MAP3K19: variants seen among roughly 807,000 people sequenced by gnomAD.
MAP3K19 encodes the protein mitogen-activated protein kinase kinase kinase 19, also known as SPS1/STE20-related protein kinase YSK4.
Under a neutral mutation model 114.4 loss-of-function variants are expected in MAP3K19, and 91 were observed. That is an observed-to-expected ratio of 0.80 (90% confidence interval 0.67 to 0.95). MAP3K19 has a LOEUF of 0.95. Ranked by LOEUF, MAP3K19 falls within the 40% of genes least tolerant of loss-of-function variation. The pLI is 0.00. For missense variants in MAP3K19, 1,471 were observed against 1,573.2 expected, an observed-to-expected ratio of 0.94 and a Z score of 1.10; for synonymous variants, 518 against 530.5, an observed-to-expected ratio of 0.98 and a Z score of 0.32.
At chr2:135,038,627 G>T (rs1688581766) in intron 2 of MAP3K19, among the ~76,000 whole-genome samples, 1 of 152,008 alleles carries the variant, frequency 6.6e-6, no homozygotes, top group Admixed American at 6.6e-5. Context: ...GCCAAGGTGG[G>T]TGGATTGCCT....
chr2:135,036,995 CATT>C (rs1215257693), intron 2 of MAP3K19, among the ~76,000 whole-genome samples: 5 of 131,564 alleles, frequency 3.8e-5, no homozygotes, highest in African/African-American at 1.9e-4. Context: ...ACCAGTAAAA[CATT>C]CTTTTTTTTT....
At chr2:134,983,969 C>G in intron 10 of MAP3K19, 144 bp from the exon 11 acceptor site, 1 of 555,536 alleles carries the variant, frequency 1.8e-6, no homozygotes, top group Non-Finnish European at 3.1e-6. Flanking sequence ...ATCATTCCCC[C>G]AAATGACCAC....
intron 6 of MAP3K19, among the ~76,000 whole-genome samples, chr2:135,004,420 G>A (rs932661937): frequency 5.3e-5 from 8 of 152,168 alleles, no homozygotes; most frequent in African/African-American, 1.9e-4. Flanking sequence ...AAGGCAGGCG[G>A]CTGCCCAGGA....
chr2:135,016,391 C>T (rs895870928), intron 5 of MAP3K19, among the ~76,000 whole-genome samples: 1 of 152,182 alleles, frequency 6.6e-6, no homozygotes, highest in Non-Finnish European at 1.5e-5. Flanking sequence ...AGCAATATCA[C>T]ACTGCCTTAA....
intron 5 of MAP3K19, among the ~76,000 whole-genome samples, chr2:135,016,040 CAGG>C (rs1487130733): frequency 6.6e-6 from 1 of 151,978 alleles, no homozygotes; most frequent in Non-Finnish European, 1.5e-5. Flanking sequence ...TGTTTGAAGC[CAGG>C]AGTTCAAGAA....
chr2:134,976,713 T>C (rs1684255536), intron 12 of MAP3K19, among the ~76,000 whole-genome samples: 1 of 151,218 alleles, frequency 6.6e-6, no homozygotes, highest in East Asian at 1.9e-4. Context: ...AAGTATTTTG[T>C]ATAAAAGTAT....
Position 135,024,621 on chromosome 2 carries a change from T to A in MAP3K19, c.22+5A>T, listed in dbSNP as rs984613655. The A allele has an allele frequency of 1.9e-6, 3 of 1,613,470 alleles. No individual in the cohort carries two copies. Among genetic ancestry groups the A allele is most frequent in the Non-Finnish European group, 2.5e-6 (3 of 1,179,456 alleles). ...AAATTATGCATGTGGAGTGAAAGTA[T>A]TTACCTGGTTTTGGCATAGAACTCA... On this transcript the variant is annotated splice_donor_5th_base_variant and intron_variant, in intron 4 of 12. Transcript: ENST00000392915.
rs1393893181 is a variant in MAP3K19 at position 134,985,856 on chromosome 2, A to G, written c.3016T>C (p.Trp1006Arg). 19 of 1,613,532 alleles carry G rather than the reference A, an allele frequency of 1.2e-5. No individual in the cohort carries two copies. In the African/African-American group the frequency reaches 1.6e-4, roughly 14 times the overall value. Residue 1006 changes from tryptophan (W) to arginine (R), a missense_variant, in exon 10 of 13, where the codon TGG becomes CGG. Coordinates refer to ENST00000392915, the MANE Select transcript of MAP3K19 (RefSeq NM_025052.5). The stretch of plus-strand genomic sequence containing the variant: ...ATTTCTTTTGGGGTACTTCCTCTCC[A>G]TCTGAGGACAAGATTTAGGTTTTCA... Reference protein sequence around the residue: ...DPENLNLVLRWRGSTPKEMGR... With the variant: ...DPENLNLVLRRRGSTPKEMGR...
chr2:134,986,090 C>T lies in MAP3K19; in HGVS notation c.2782G>A (p.Asp928Asn). 1 of 1,613,942 alleles carries T rather than the reference C, an allele frequency of 6.2e-7. No homozygotes were observed. The highest frequency in any genetic ancestry group is 1.7e-5 in the Admixed American group (1 of 60,008). The stretch of plus-strand genomic sequence containing the variant: ...GACTTATTTGCTAAACTATCATGAT[C>T]CAAATAATGTACCCAATATTGATAT... The part of the protein sequence containing the change: ...QTYQYWVHYL[D>N]HDSLANKSIT... Residue 928 changes from aspartate to asparagine, a missense_variant, in exon 10 of 13, where the codon GAT becomes AAT. Physicochemically the swap from Asp to Asn is conservative, Grantham distance 23 (BLOSUM62 1). Coordinates refer to ENST00000392915, the MANE Select transcript of MAP3K19 (RefSeq NM_025052.5).
intron 9 of MAP3K19, among the ~76,000 whole-genome samples, chr2:134,988,752 A>C (rs1685354933): frequency 6.6e-6 from 1 of 152,192 alleles, no homozygotes; most frequent in Non-Finnish European, 1.5e-5. Flanking sequence ...AATTTAAAAC[A>C]ACACGTTTTA....
intron 5 of MAP3K19, among the ~76,000 whole-genome samples, chr2:135,008,247 C>G (rs1358669221): frequency 6.6e-6 from 1 of 151,972 alleles, no homozygotes; most frequent in African/African-American, 2.4e-5. Flanking sequence ...CTCAACCTCT[C>G]GAGTAGCTGA....
intron 12 of MAP3K19, among the ~76,000 whole-genome samples, chr2:134,973,732 T>C (rs1684030814): frequency 6.6e-6 from 1 of 152,208 alleles, no homozygotes; most frequent in Non-Finnish European, 1.5e-5. Context: ...GTGTTAACGT[T>C]TGAGTCCTTT....
At chr2:135,020,465 G>A (rs920639236) in intron 5 of MAP3K19, among the ~76,000 whole-genome samples, 7 of 152,276 alleles carry the variant, frequency 4.6e-5, no homozygotes, top group African/African-American at 7.2e-5. Flanking sequence ...GACTACAGGC[G>A]TGTGCCATCA....
At chr2:135,036,116 G>T (rs1370564382) in intron 2 of MAP3K19, among the ~76,000 whole-genome samples, 1 of 152,162 alleles carries the variant, frequency 6.6e-6, no homozygotes, top group African/African-American at 2.4e-5. Context: ...TTACAGGTTT[G>T]AGCCACTGGG....
intron 5 of MAP3K19, among the ~76,000 whole-genome samples, chr2:135,011,140 G>A (rs1424717817): frequency 6.6e-6 from 1 of 152,156 alleles, no homozygotes; most frequent in East Asian, 1.9e-4. Flanking sequence ...AACCACTAGG[G>A]AAGGAAAGGC....
Position 134,980,994 on chromosome 2 carries a change from A to G in MAP3K19, c.3747T>C (p.Asp1249=). 6.2e-7 allele frequency: 1 copy of G among 1,614,194 alleles called. No individual in the cohort carries two copies. The highest frequency in any genetic ancestry group is 1.1e-5 in the South Asian group (1 of 91,088). ...INESGYGRKS[D]IWSIGCTVFE... is the part of the protein sequence containing the mutation. Reference sequence around the variant, plus strand: ...ACACAGTACAACCAATGCTCCAGATATCTGATTTCCGTCCATAGCCAGACT... The same window carrying G: ...ACACAGTACAACCAATGCTCCAGATGTCTGATTTCCGTCCATAGCCAGACT... The change falls in exon 12 of 13, where the codon GAT becomes GAC. Residue 1249 remains aspartate, a synonymous_variant. Transcript: ENST00000392915.
At chr2:135,003,797 G>GC (rs1205410269) in intron 6 of MAP3K19, among the ~76,000 whole-genome samples, 1 of 152,130 alleles carries the variant, frequency 6.6e-6, no homozygotes, top group African/African-American at 2.4e-5. Context: ...CAGGTGATCC[G>GC]CCCACCTTGG....
chr2:135,023,884 G>C (rs568757023), intron 4 of MAP3K19, among the ~76,000 whole-genome samples: 1 of 151,380 alleles, frequency 6.6e-6, no homozygotes, highest in Non-Finnish European at 1.5e-5. Flanking sequence ...AAATTCTTTA[G>C]TGTCTGTTTT....
chr2:134,968,528 G>A (rs1272405478), intron 12 of MAP3K19, among the ~76,000 whole-genome samples: 1 of 150,372 alleles, frequency 6.7e-6, no homozygotes, highest in Non-Finnish European at 1.5e-5. Flanking sequence ...TGGCTGCCGG[G>A]CGGAGACGCT....
Sources: allele counts gnomAD v4.1 joint callset (sites outside exome capture counted in the v4.1 genomes callset), GRCh38; gene constraint gnomAD v4.1.1; transcripts MANE v1.5; gene names NCBI Gene and HGNC (gene_info 2026-07-23, HGNC 2026-07-21).